The following KIZ variants were observed in gnomAD, a reference collection of about 807,000 sequenced individuals.
KIZ encodes kizuna centrosomal protein, also known as centrosomal protein kizuna.
A neutral mutation model predicts 79.6 loss-of-function variants in KIZ; 68 were observed. The observed-to-expected ratio is 0.85, with a 90% confidence interval of 0.70 to 1.05. The LOEUF (loss-of-function observed/expected upper bound fraction) is 1.05. KIZ is among the 50% of genes least tolerant of loss of function. The pLI, the probability that KIZ is intolerant of heterozygous loss-of-function variation, is 0.00. For synonymous variants in KIZ, 280 were observed against 281.8 expected (o/e 0.99, Z 0.06); for missense variants, 797 against 800.4 (o/e 1.00, Z 0.05).
intron 11 of KIZ, among the ~76,000 whole-genome samples, chr20:21,238,742 C>T (rs1428758682): frequency 6.6e-6 from 1 of 152,172 alleles, no homozygotes; most frequent in African/African-American, 2.4e-5. Flanking sequence ...GGAGCGTGGG[C>T]ACCTCAAGGG....
intron 4 of KIZ, chr20:21,151,398 A>G (rs1026302124): frequency 1.3e-5 from 2 of 152,170 alleles, no homozygotes; most frequent in Non-Finnish European, 2.9e-5. Flanking sequence ...ATTCTGTGGC[A>G]AGTGTATTAT....
chr20:21,149,424 A>C (rs1052176391), intron 4 of KIZ, among the ~76,000 whole-genome samples: 1 of 152,220 alleles, frequency 6.6e-6, no homozygotes, highest in Non-Finnish European at 1.5e-5. Context: ...TTTGCAATAA[A>C]AGAAGCGTCC....
At chr20:21,215,934 G>T (rs536353413) in intron 9 of KIZ, among the ~76,000 whole-genome samples, 6 of 152,210 alleles carry the variant, frequency 3.9e-5, no homozygotes, top group African/African-American at 1.2e-4. Context: ...TCTGTAAAAA[G>T]GTCCATCTCC....
intron 10 of KIZ, 41 bp downstream of exon 10, chr20:21,229,156 G>T: frequency 8.6e-7 from 1 of 1,160,390 alleles, no homozygotes; most frequent in Non-Finnish European, 1.3e-6. Context: ...GCCCAGAGTG[G>T]CAGGCAGGGC....
intron 10 of KIZ, among the ~76,000 whole-genome samples, chr20:21,232,058 A>G (rs1224584448): frequency 6.6e-6 from 1 of 152,232 alleles, no homozygotes; most frequent in Non-Finnish European, 1.5e-5. Context: ...TGCATGCTGT[A>G]TCTGTGATTT....
intron 4 of KIZ, among the ~76,000 whole-genome samples, chr20:21,146,691 A>G (rs2032864702): frequency 6.6e-6 from 1 of 152,212 alleles, no homozygotes; most frequent in Admixed American, 6.5e-5. Context: ...TAAGACTCTT[A>G]TCAGAAAAGA....
At chr20:21,208,225 T>A (rs1450561191) in intron 7 of KIZ, among the ~76,000 whole-genome samples, 1 of 152,128 alleles carries the variant, frequency 6.6e-6, no homozygotes, top group Non-Finnish European at 1.5e-5. Flanking sequence ...ATGGTCCAAG[T>A]CCCAAACAAC....
intron 7 of KIZ, among the ~76,000 whole-genome samples, chr20:21,208,179 A>G (rs1442959424): frequency 1.3e-5 from 2 of 152,040 alleles, no homozygotes; most frequent in Non-Finnish European, 2.9e-5. Flanking sequence ...TTGCTATCTA[A>G]TATTTTTTTA....
chr20:21,166,148 AT>A (rs34056823), intron 6 of KIZ: 43,032 of 650,236 alleles, frequency 0.066, 75 homozygotes, highest in East Asian at 0.099. Context: ...TGTATTTTGT[AT>A]TTTTTTTTTT....
chr20:21,164,367 G>A (rs995158671), intron 6 of KIZ, among the ~76,000 whole-genome samples: 1 of 152,188 alleles, frequency 6.6e-6, no homozygotes, highest in African/African-American at 2.4e-5. Flanking sequence ...TGGAAGAACC[G>A]ACATGGTTCC....
chr20:21,193,146 T>G (rs976408739), intron 6 of KIZ, among the ~76,000 whole-genome samples: 5 of 152,158 alleles, frequency 3.3e-5, no homozygotes, highest in Admixed American at 6.5e-5. Flanking sequence ...GGATATCAGC[T>G]TCTGAGCCCC....
At chr20:21,200,679 T>C (rs1018503318) in intron 6 of KIZ, among the ~76,000 whole-genome samples, 1 of 152,044 alleles carries the variant, frequency 6.6e-6, no homozygotes. Flanking sequence ...GAGCTAATGC[T>C]CCGCCCTCCT....
intron 7 of KIZ, among the ~76,000 whole-genome samples, chr20:21,210,430 A>G (rs1041574999): frequency 6.6e-6 from 1 of 152,166 alleles, no homozygotes; most frequent in Admixed American, 6.5e-5. Context: ...TCATACCATT[A>G]CATGTTCTAT....
In KIZ at chr20:21,162,989, A is replaced by G. The variant is rs2033750977; in HGVS notation, c.1182A>G (p.Pro394=). 1 of 1,613,832 alleles carries G rather than the reference A, an allele frequency of 6.2e-7. No individual in the cohort carries two copies. The highest frequency in any genetic ancestry group is 1.3e-5 in the African/African-American group (1 of 74,924). The change falls in exon 6 of 13, where the codon CCA becomes CCG. Residue 394 remains proline, a synonymous_variant. Transcript: ENST00000619189. ...ATCTGATTTTAGAGAGCCCAGAACC[A>G]CAGCCAAATCCAGGTGGCAAGATGG... The part of the protein sequence containing the change: ...EDDLILESPE[P]QPNPGGKMEG...
At chr20:21,246,206 A>G (rs987325045) in intron 12 of KIZ, 4 of 416,466 alleles carry the variant, frequency 9.6e-6, no homozygotes, top group South Asian at 3.4e-5. Flanking sequence ...TTAAATCCCT[A>G]TCCTATAATA....
intron 11 of KIZ, 31 bp from the exon 12 acceptor site, chr20:21,244,214 T>G (rs2037314871): frequency 6.5e-7 from 1 of 1,527,180 alleles, no homozygotes. Flanking sequence ...CTTTTCTTTT[T>G]CAGAACTTAG....
intron 6 of KIZ, among the ~76,000 whole-genome samples, chr20:21,179,872 A>G (rs556010637): frequency 3.6e-4 from 55 of 152,126 alleles, no homozygotes; most frequent in Non-Finnish European, 7.2e-4. Context: ...GAATTTTACA[A>G]TTTTGCTTCT....
intron 4 of KIZ, chr20:21,160,788 G>T (rs1384159084): frequency 6.6e-6 from 1 of 152,124 alleles, no homozygotes; most frequent in East Asian, 1.9e-4. Context: ...GCCTTCATGG[G>T]TGGGATTAGT....
At chr20:21,229,736 G>A (rs966643485) in intron 10 of KIZ, among the ~76,000 whole-genome samples, 2 of 151,680 alleles carry the variant, frequency 1.3e-5, no homozygotes, top group African/African-American at 2.4e-5. Flanking sequence ...CACCACACTC[G>A]GCTAATTTTT....
Sources: allele counts gnomAD v4.1 joint callset (sites outside exome capture counted in the v4.1 genomes callset), GRCh38; gene constraint gnomAD v4.1.1; transcripts MANE v1.5; gene names NCBI Gene and HGNC (gene_info 2026-07-23, HGNC 2026-07-21).